Variants in NEDD9 observed in about 807,000 individuals in gnomAD.
NEDD9 encodes enhancer of filamentation 1.
A neutral mutation model predicts 76.6 loss-of-function variants in NEDD9; 26 were observed. That is an observed-to-expected ratio of 0.34 (90% CI 0.25 to 0.47). The LOEUF is 0.47. Ranked by LOEUF, NEDD9 falls within the 20% of genes least tolerant of loss-of-function variation. The probability of loss-of-function intolerance (pLI) is 1.00; values close to 1 mark genes in which losing one functional copy is unlikely to be tolerated. For synonymous variants in NEDD9, 392 were observed against 414.2 expected, an observed-to-expected ratio of 0.95 and a Z score of 0.65; for missense variants, 937 against 1,058.5, an observed-to-expected ratio of 0.89 and a Z score of 1.59.
intron 1 of NEDD9, among the ~76,000 whole-genome samples, chr6:11,372,427 A>C (rs1762894330): frequency 6.6e-6 from 1 of 152,150 alleles, no homozygotes; most frequent in Admixed American, 6.6e-5. Flanking sequence ...TTTCTTCCAA[A>C]TCTTGGCACT....
chr6:11,277,135 G>A (rs1290679274), intron 3 of NEDD9, among the ~76,000 whole-genome samples: 1 of 152,166 alleles, frequency 6.6e-6, no homozygotes, highest in East Asian at 1.9e-4. Context: ...GAACTATCAC[G>A]CTGCAAAGAC....
intron 1 of NEDD9, among the ~76,000 whole-genome samples, chr6:11,369,861 T>A (rs1259876626): frequency 6.6e-6 from 1 of 152,226 alleles, no homozygotes; most frequent in Non-Finnish European, 1.5e-5. Flanking sequence ...AGGACCCTAC[T>A]GATGGACTTT....
intron 1 of NEDD9, among the ~76,000 whole-genome samples, chr6:11,378,098 C>T (rs1762996606): frequency 6.6e-6 from 1 of 152,100 alleles, no homozygotes; most frequent in African/African-American, 2.4e-5. Context: ...CAAAATTTTG[C>T]TGGGTGTGGT....
At chr6:11,312,295 G>A (rs1761394889) in intron 2 of NEDD9, among the ~76,000 whole-genome samples, 1 of 152,036 alleles carries the variant, frequency 6.6e-6, no homozygotes, top group African/African-American at 2.4e-5. Flanking sequence ...ACTAGATGCT[G>A]GGCCTCATCC....
chr6:11,201,504 T>C (rs1247926862), intron 2 of NEDD9, among the ~76,000 whole-genome samples: 4 of 151,900 alleles, frequency 2.6e-5, no homozygotes, highest in Non-Finnish European at 5.9e-5. Flanking sequence ...AACAAAGCAG[T>C]AAAAAAACGA....
intron 3 of NEDD9, among the ~76,000 whole-genome samples, chr6:11,239,889 C>G (rs893273496): frequency 2.0e-5 from 3 of 151,792 alleles, no homozygotes; most frequent in African/African-American, 7.3e-5. Flanking sequence ...ACTAAAAATA[C>G]AAAAATTAGC....
chr6:11,311,863 C>T (rs781560303), intron 2 of NEDD9, among the ~76,000 whole-genome samples: 6 of 152,164 alleles, frequency 3.9e-5, no homozygotes, highest in African/African-American at 1.4e-4. Flanking sequence ...TCCCAACATC[C>T]CTTGCTCTAA....
chr6:11,322,365 C>G (rs1761827277), intron 2 of NEDD9, among the ~76,000 whole-genome samples: 1 of 152,068 alleles, frequency 6.6e-6, no homozygotes. Flanking sequence ...GTGAATTAGT[C>G]AGGTTCACTG....
At chr6:11,369,029 G>C (rs1762814930) in intron 1 of NEDD9, among the ~76,000 whole-genome samples, 1 of 152,212 alleles carries the variant, frequency 6.6e-6, no homozygotes, top group Non-Finnish European at 1.5e-5. Flanking sequence ...GAGAAACAGA[G>C]AAACAGAAAA....
chr6:11,349,914 C>T (rs965900714), intron 1 of NEDD9, among the ~76,000 whole-genome samples: 1 of 152,154 alleles, frequency 6.6e-6, no homozygotes, highest in African/African-American at 2.4e-5. Flanking sequence ...TACCCCTGAA[C>T]CTAAAATAAA....
intron 1 of NEDD9, among the ~76,000 whole-genome samples, chr6:11,371,602 C>A (rs1006429541): frequency 6.6e-6 from 1 of 152,156 alleles, no homozygotes; most frequent in East Asian, 1.9e-4. Flanking sequence ...GTTTTACAAA[C>A]GTATTTGTTC....
chr6:11,358,020 C>T (rs1237089894), intron 1 of NEDD9, among the ~76,000 whole-genome samples: 6 of 151,994 alleles, frequency 3.9e-5, no homozygotes, highest in South Asian at 2.1e-4. Flanking sequence ...GAGGCCAAGG[C>T]GGGCGGATCA....
intron 3 of NEDD9, among the ~76,000 whole-genome samples, chr6:11,275,758 C>T (rs938971760): frequency 4.6e-5 from 7 of 152,116 alleles, no homozygotes; most frequent in African/African-American, 1.7e-4. Context: ...TATTAATGCT[C>T]GTTCAGTATA....
At chr6:11,277,405 G>C (rs1425247048) in intron 3 of NEDD9, among the ~76,000 whole-genome samples, 1 of 152,196 alleles carries the variant, frequency 6.6e-6, no homozygotes, top group Non-Finnish European at 1.5e-5. Flanking sequence ...GTGGCGTTTG[G>C]GGGTGGGGAA....
chr6:11,297,707 T>A (rs1409158431), intron 3 of NEDD9, among the ~76,000 whole-genome samples: 3 of 152,164 alleles, frequency 2.0e-5, no homozygotes, highest in Admixed American at 1.3e-4. Flanking sequence ...GCTTAGTACG[T>A]GCCAAACACA....
In NEDD9 at chr6:11,213,103, T is replaced by C. The variant is rs750808606; in HGVS notation, c.459+178A>G. Among the ~76,000 whole-genome samples, 6 of 152,152 alleles carry C rather than the reference T, an allele frequency of 3.9e-5. No homozygotes were observed. The highest frequency in any genetic ancestry group is 8.8e-5 in the Non-Finnish European group (6 of 68,022). ...TCAGCACATGGTAGTTCAAAGAAGT[T>C]TTGCTGAATGATGGATGAATGGCAA... On this transcript the variant is annotated intron_variant, in intron 2 of 6. Coordinates refer to ENST00000379446, the MANE Select transcript of NEDD9 (RefSeq NM_006403.4). The surrounding 1 kb of genome is among the most constrained non-coding windows in gnomAD (Gnocchi z 5.4).
intron 1 of NEDD9, among the ~76,000 whole-genome samples, chr6:11,220,602 T>C (rs1759110798): frequency 6.6e-6 from 1 of 152,220 alleles, no homozygotes; most frequent in Admixed American, 6.5e-5. Context: ...TCCTGTCTGA[T>C]GAAGGATCAT....
intron 1 of NEDD9, among the ~76,000 whole-genome samples, chr6:11,343,256 C>T (rs1296816956): frequency 2.6e-5 from 4 of 151,978 alleles, no homozygotes; most frequent in Non-Finnish European, 5.9e-5. Flanking sequence ...GGTGAAACCC[C>T]GTTTCTACTA....
At chr6:11,211,790 A>G (rs376277325) in intron 2 of NEDD9, among the ~76,000 whole-genome samples, 95 of 152,346 alleles carry the variant, frequency 6.2e-4, no homozygotes, top group Admixed American at 2.5e-3. Flanking sequence ...CTTGAGAAGT[A>G]TTTTGTAAAA....
Sources: gnomAD v4.1 joint callset for allele counts (sites outside exome capture counted in the v4.1 genomes callset) on GRCh38, gnomAD v4.1.1 for gene constraint, Gnocchi (gnomAD v3.1) non-coding constraint, MANE v1.5 for transcripts, NCBI Gene and HGNC (gene_info 2026-07-23, HGNC 2026-07-21) for gene names.